The following RARB variants were observed in gnomAD, a reference collection of about 807,000 sequenced individuals.
RARB encodes HBV-activated protein.
A neutral mutation model predicts 51.9 loss-of-function variants in RARB; 17 were observed. The ratio of observed to expected loss-of-function variants is 0.33; its 90% CI spans 0.22 to 0.49. RARB has a LOEUF of 0.49. RARB is among the 20% of genes least tolerant of loss of function. RARB has a pLI of 0.99. For synonymous variants in RARB, 215 were observed against 195.4 expected (o/e 1.10, Z -0.84); for missense variants, 369 against 550.8 (o/e 0.67, Z 3.30).
intron 5 of RARB, among the ~76,000 whole-genome samples, chr3:25,300,057 G>C (rs1020810425): frequency 6.6e-6 from 1 of 152,106 alleles, no homozygotes; most frequent in Non-Finnish European, 1.5e-5. Flanking sequence ...CATAGTCTTC[G>C]TAGTTTATAC....
chr3:25,041,457 G>T (rs1698112869), intron 2 of RARB, among the ~76,000 whole-genome samples: 1 of 151,246 alleles, frequency 6.6e-6, no homozygotes, highest in African/African-American at 2.4e-5. Context: ...TCCCCTAACT[G>T]CAATAACTGG....
chr3:25,179,065 T>C (rs1043921883), intron 5 of RARB, among the ~76,000 whole-genome samples: 2 of 152,232 alleles, frequency 1.3e-5, no homozygotes, highest in African/African-American at 4.8e-5. Flanking sequence ...GATCAGAAAG[T>C]GCTCTCCTGT....
chr3:25,254,546 A>G (rs928591059), intron 5 of RARB, among the ~76,000 whole-genome samples: 1 of 152,076 alleles, frequency 6.6e-6, no homozygotes, highest in Non-Finnish European at 1.5e-5. Context: ...TTAGCAGCCA[A>G]ATGGTTTTTC....
chr3:25,185,983 A>G (rs1700966454), intron 5 of RARB, among the ~76,000 whole-genome samples: 1 of 152,152 alleles, frequency 6.6e-6, no homozygotes, highest in Non-Finnish European at 1.5e-5. Flanking sequence ...TTGTATGTCC[A>G]GTATTGGGTG....
intron 3 of RARB, among the ~76,000 whole-genome samples, chr3:25,095,874 C>T (rs1333426111): frequency 6.6e-6 from 1 of 152,116 alleles, no homozygotes. Flanking sequence ...TTAACTGCCA[C>T]CTTTTGTTTT....
At chr3:24,981,168 A>G (rs1290053290) in intron 2 of RARB, among the ~76,000 whole-genome samples, 3 of 152,088 alleles carry the variant, frequency 2.0e-5, no homozygotes, top group Non-Finnish European at 4.4e-5. Context: ...ACCCATCTGT[A>G]TGAGGTGTCC....
chr3:25,449,032 G>T (rs182174570), intron 1 of RARB, among the ~76,000 whole-genome samples: 40 of 152,178 alleles, frequency 2.6e-4, no homozygotes, highest in Non-Finnish European at 5.1e-4. Context: ...ATAAATTTTG[G>T]TTAAGGGAGT....
intron 5 of RARB, among the ~76,000 whole-genome samples, chr3:25,229,379 T>C (rs1575236827): frequency 6.6e-6 from 1 of 152,304 alleles, no homozygotes; most frequent in East Asian, 1.9e-4. Context: ...ATTTCTAAAT[T>C]GAATTTGATA....
At chr3:25,313,866 T>G (rs1055739748) in intron 5 of RARB, among the ~76,000 whole-genome samples, 3 of 151,968 alleles carry the variant, frequency 2.0e-5, no homozygotes, top group African/African-American at 7.3e-5. Flanking sequence ...GCCCAGGAGT[T>G]CAAGACCAGC....
intron 3 of RARB, among the ~76,000 whole-genome samples, chr3:25,542,440 G>A (rs1437505438): frequency 1.3e-5 from 2 of 152,168 alleles, no homozygotes; most frequent in Admixed American, 1.3e-4. Context: ...AATTAGGGTG[G>A]TGGTAAGGTA....
chr3:25,368,593 AC>A (rs1706204070), intron 5 of RARB, among the ~76,000 whole-genome samples: 1 of 152,208 alleles, frequency 6.6e-6, no homozygotes, highest in African/African-American at 2.4e-5. Flanking sequence ...ACATGTTTTC[AC>A]TGAAAACCTA....
At chr3:25,187,951 A>G (rs1355874264) in intron 5 of RARB, among the ~76,000 whole-genome samples, 2 of 152,160 alleles carry the variant, frequency 1.3e-5, no homozygotes, top group African/African-American at 2.4e-5. Flanking sequence ...CTGGCTAATA[A>G]GAGGTGACTG....
intron 5 of RARB, among the ~76,000 whole-genome samples, chr3:25,196,132 A>G (rs1457234416): frequency 6.6e-6 from 1 of 151,938 alleles, no homozygotes; most frequent in Non-Finnish European, 1.5e-5. Context: ...CAGGTTTATT[A>G]TGTATGTATA....
chr3:25,506,699 A>G (rs1218129171), intron 3 of RARB, among the ~76,000 whole-genome samples: 1 of 152,262 alleles, frequency 6.6e-6, no homozygotes, highest in Non-Finnish European at 1.5e-5. Context: ...AATATAAACA[A>G]ACAAGTGTGG....
intron 5 of RARB, among the ~76,000 whole-genome samples, chr3:25,208,804 C>T (rs754941853): frequency 3.1e-4 from 47 of 152,160 alleles, no homozygotes; most frequent in Non-Finnish European, 6.5e-4. Flanking sequence ...CCTTTTGTAA[C>T]TCACCAGGGG....
At chr3:24,835,986 G>A (rs1702340429) in intron 1 of RARB, among the ~76,000 whole-genome samples, 1 of 152,162 alleles carries the variant, frequency 6.6e-6, no homozygotes, top group South Asian at 2.1e-4. Flanking sequence ...TTCAGTCTGG[G>A]ATGACCTAAG....
At chr3:25,568,652 C>T (rs1700589564) in intron 3 of RARB, among the ~76,000 whole-genome samples, 1 of 152,186 alleles carries the variant, frequency 6.6e-6, no homozygotes, top group African/African-American at 2.4e-5. Flanking sequence ...CTCAAATCAC[C>T]CGTGTGCTCT....
chr3:24,912,176 C>T (rs570356009), intron 2 of RARB, among the ~76,000 whole-genome samples: 11 of 152,192 alleles, frequency 7.2e-5, no homozygotes, highest in Non-Finnish European at 1.2e-4. Flanking sequence ...AGGGCTATGA[C>T]GAGGCAGGGG....
At chr3:25,256,944 T>G (rs1317659315) in intron 5 of RARB, among the ~76,000 whole-genome samples, 7 of 152,110 alleles carry the variant, frequency 4.6e-5, no homozygotes, top group African/African-American at 1.7e-4. Flanking sequence ...GAAGAGAACA[T>G]TAGCTTTGTG....
Sources: allele counts gnomAD v4.1 joint callset (sites outside exome capture counted in the v4.1 genomes callset), GRCh38; gene constraint gnomAD v4.1.1; transcripts MANE v1.5; gene names NCBI Gene and HGNC (gene_info 2026-07-23, HGNC 2026-07-21).